The following DLG2 variants were observed in gnomAD, a reference collection of about 807,000 sequenced individuals.
DLG2 encodes the protein discs large MAGUK scaffold protein 2.
A neutral mutation model predicts 132.5 loss-of-function variants in DLG2; 45 were observed. That is an observed-to-expected ratio of 0.34 (90% CI 0.27 to 0.44). DLG2 has a LOEUF of 0.44. Ranked by LOEUF, DLG2 falls within the 20% of genes least tolerant of loss-of-function variation. The pLI is 1.00. For synonymous variants in DLG2, 424 were observed against 419.6 expected, an observed-to-expected ratio of 1.01 and a Z score of -0.13; for missense variants, 1,045 against 1,196.9, an observed-to-expected ratio of 0.87 and a Z score of 1.87.
intron 6 of DLG2, among the ~76,000 whole-genome samples, chr11:84,965,523 G>A (rs1157512437): frequency 6.6e-6 from 1 of 151,708 alleles, no homozygotes; most frequent in Non-Finnish European, 1.5e-5. Context: ...ATGGATGAGG[G>A]GTCATCAAGA....
chr11:84,468,242 T>C (rs2099099681), intron 7 of DLG2, among the ~76,000 whole-genome samples: 1 of 151,492 alleles, frequency 6.6e-6, no homozygotes, highest in Non-Finnish European at 1.5e-5. Flanking sequence ...GTGGATAACT[T>C]TGGGTTTAGT....
intron 5 of DLG2, among the ~76,000 whole-genome samples, chr11:85,127,668 C>T (rs1449572029): frequency 2.6e-5 from 4 of 152,192 alleles, no homozygotes; most frequent in Admixed American, 6.5e-5. Flanking sequence ...ATGGGAGCAA[C>T]TGTACACCAG....
At chr11:85,468,114 TTC>T (rs2092858744) in intron 3 of DLG2, among the ~76,000 whole-genome samples, 1 of 152,220 alleles carries the variant, frequency 6.6e-6, no homozygotes, top group Non-Finnish European at 1.5e-5. Flanking sequence ...GTTTATAGTA[TTC>T]TCTGATTGTA....
At chr11:84,195,136 C>T (rs936781323) in intron 8 of DLG2, among the ~76,000 whole-genome samples, 1 of 152,166 alleles carries the variant, frequency 6.6e-6, no homozygotes, top group Non-Finnish European at 1.5e-5. Context: ...ACTGTCACCT[C>T]TCACTTTCCC....
intron 6 of DLG2, among the ~76,000 whole-genome samples, chr11:84,840,672 T>C (rs1192855297): frequency 6.6e-6 from 1 of 152,112 alleles, no homozygotes; most frequent in Non-Finnish European, 1.5e-5. Flanking sequence ...TTAAAAAGGA[T>C]GAGTTTATGT....
chr11:84,850,993 T>C (rs2082100020), intron 6 of DLG2, among the ~76,000 whole-genome samples: 1 of 152,104 alleles, frequency 6.6e-6, no homozygotes, highest in South Asian at 2.1e-4. Context: ...TCATGCAATC[T>C]TTTTCAAAAT....
intron 15 of DLG2, among the ~76,000 whole-genome samples, chr11:83,893,966 T>C (rs1397495967): frequency 6.6e-6 from 1 of 152,230 alleles, no homozygotes; most frequent in Admixed American, 6.5e-5. Context: ...AAATATACCA[T>C]TGGTTTGTAA....
chr11:84,502,305 T>C (rs1590985284), intron 7 of DLG2, among the ~76,000 whole-genome samples: 2 of 2,650 alleles, frequency 7.5e-4, no homozygotes, highest in African/African-American at 2.8e-3. Flanking sequence ...TTTCTTTCTT[T>C]CTTTCTTTCT....
At chr11:83,986,429 T>G (rs1305707222) in intron 11 of DLG2, among the ~76,000 whole-genome samples, 1 of 151,580 alleles carries the variant, frequency 6.6e-6, no homozygotes, top group Non-Finnish European at 1.5e-5. Flanking sequence ...ATGGTGTATA[T>G]GTGCCACATT....
chr11:85,233,962 A>T (rs922644995), intron 4 of DLG2, among the ~76,000 whole-genome samples: 1 of 151,856 alleles, frequency 6.6e-6, no homozygotes, highest in African/African-American at 2.4e-5. Context: ...GAGAGGTTAC[A>T]ATTATTAATG....
chr11:84,594,722 G>T (rs1050959190), intron 6 of DLG2, among the ~76,000 whole-genome samples: 2 of 152,148 alleles, frequency 1.3e-5, no homozygotes, highest in African/African-American at 2.4e-5. Flanking sequence ...TTGTCTTACA[G>T]AAAAATCACT....
chr11:85,609,557 T>G (rs1201718114), intron 2 of DLG2, among the ~76,000 whole-genome samples: 1 of 152,166 alleles, frequency 6.6e-6, no homozygotes, highest in Admixed American at 6.5e-5. Context: ...GATTGTCCAA[T>G]GAGAAACAAG....
intron 18 of DLG2, among the ~76,000 whole-genome samples, chr11:83,768,762 G>A (rs187111392): frequency 1.7e-4 from 26 of 152,130 alleles, no homozygotes; most frequent in Non-Finnish European, 2.2e-4. Context: ...CATGAACTTC[G>A]CCCATACTAG....
At chr11:84,983,783 T>C (rs2056103383) in intron 6 of DLG2, among the ~76,000 whole-genome samples, 1 of 152,096 alleles carries the variant, frequency 6.6e-6, no homozygotes, top group Admixed American at 6.5e-5. Context: ...TTCAGTGAAA[T>C]AGACAGCATA....
At chr11:84,308,851 C>T (rs552733099) in intron 7 of DLG2, among the ~76,000 whole-genome samples, 142 of 152,324 alleles carry the variant, frequency 9.3e-4, no homozygotes, top group African/African-American at 3.3e-3. Context: ...GCAGAGCCCA[C>T]GCTCACCCGG....
At chr11:85,400,980 T>C (rs1003820467) in intron 3 of DLG2, among the ~76,000 whole-genome samples, 2 of 150,866 alleles carry the variant, frequency 1.3e-5, no homozygotes, top group Non-Finnish European at 3.0e-5. Context: ...CCCAAACTCA[T>C]TTTATGAGGC....
intron 6 of DLG2, among the ~76,000 whole-genome samples, chr11:84,570,760 A>G (rs770956036): frequency 1.3e-5 from 2 of 152,024 alleles, no homozygotes; most frequent in African/African-American, 2.4e-5. Flanking sequence ...TCCCTTCATC[A>G]TCTCAGTTTA....
chr11:85,595,529 A>T (rs1292575568), intron 3 of DLG2, among the ~76,000 whole-genome samples: 1 of 152,142 alleles, frequency 6.6e-6, no homozygotes, highest in Non-Finnish European at 1.5e-5. Flanking sequence ...TTGCTGTTTC[A>T]GGGTTTTTTT....
At chr11:84,659,868 G>GA (rs1397577640) in intron 6 of DLG2, among the ~76,000 whole-genome samples, 5 of 151,978 alleles carry the variant, frequency 3.3e-5, no homozygotes, top group African/African-American at 4.8e-5. Flanking sequence ...TTTATTAAAG[G>GA]AAAAAAATAG....
Sources: allele counts gnomAD v4.1 joint callset (sites outside exome capture counted in the v4.1 genomes callset), GRCh38; gene constraint gnomAD v4.1.1; transcripts MANE v1.5; gene names NCBI Gene and HGNC (gene_info 2026-07-23, HGNC 2026-07-21).